DGKI: variants seen among roughly 807,000 people sequenced by gnomAD.
The protein encoded by DGKI is diacylglycerol kinase iota.
A neutral mutation model predicts 147.5 loss-of-function variants in DGKI; 55 were observed. That is an observed-to-expected ratio of 0.37 (90% confidence interval 0.30 to 0.47). The LOEUF is 0.47. Ranked by LOEUF, DGKI falls within the 20% of genes least tolerant of loss-of-function variation. The probability of loss-of-function intolerance (pLI) is 1.00; values close to 1 mark genes in which losing one functional copy is unlikely to be tolerated. For missense variants in DGKI, 1,007 were observed against 1,323.8 expected (o/e 0.76, Z 3.71); for synonymous variants, 469 against 477.1 (o/e 0.98, Z 0.22).
chr7:137,778,185 C>T (rs981237086), intron 1 of DGKI, among the ~76,000 whole-genome samples: 15 of 152,134 alleles, frequency 9.9e-5, no homozygotes, highest in African/African-American at 2.9e-4. Flanking sequence ...GTTGGTACTT[C>T]GAGCTGACTT....
At chr7:137,774,488 A>G (rs1461650398) in intron 1 of DGKI, 1 of 152,226 alleles carries the variant, frequency 6.6e-6, no homozygotes, top group Non-Finnish European at 1.5e-5. Flanking sequence ...TGAGGATAAT[A>G]AAGTCGCATC....
At chr7:137,753,988 G>A (rs1795597336) in intron 1 of DGKI, among the ~76,000 whole-genome samples, 1 of 152,122 alleles carries the variant, frequency 6.6e-6, no homozygotes. Context: ...CGTGGAGGGG[G>A]AGGAGAAGAA....
At position 137,712,489 on chromosome 7, in the gene DGKI, A is replaced by T. The variant is rs568888078; in HGVS notation, c.402-22487T>A. On this transcript the variant is annotated intron_variant, in intron 1 of 32. Transcript: ENST00000614521. ...AATGTGCAATAATAAAAATATTTTA[A>T]GCATTATAAAATTAGGAATAGAAAG... 3.9e-5 allele frequency among the ~76,000 whole-genome samples: 6 copies of T among 152,356 alleles called. No homozygotes were observed. In the East Asian group the frequency reaches 9.6e-4, roughly 24 times the overall value.
intron 3 of DGKI, among the ~76,000 whole-genome samples, chr7:137,663,421 T>G (rs1388968753): frequency 6.6e-6 from 1 of 152,212 alleles, no homozygotes; most frequent in Non-Finnish European, 1.5e-5. Flanking sequence ...GCTTAAAATA[T>G]GTATATTCAA....
In DGKI at chr7:137,517,313, AAGAAAGAAAG is replaced by A. The variant is rs1187082469; in HGVS notation, c.2248+4543_2248+4552del. The stretch of plus-strand genomic sequence containing the variant: ...AAAGAAAGAAAGAAAGAAAGAAAGA[AAGAAAGAAAG>A]AAAGAAAGAAAGAAAGAGAAAGAAA... On this transcript the variant is annotated intron_variant, in intron 21 of 32. Coordinates refer to ENST00000614521, the MANE Select transcript of DGKI (RefSeq NM_001321708.2). Among the ~76,000 whole-genome samples, 572 of 136,886 alleles carry A rather than the reference AAGAAAGAAAG, an allele frequency of 4.2e-3. 3 individuals are homozygous for A. The highest frequency in any genetic ancestry group is 0.018 in the Middle Eastern group (5 of 278). The allele number at this position is 136,886 out of a possible 152,430, so 89.8% of individuals were successfully genotyped here.
chr7:137,564,872 G>A (rs903192455), intron 19 of DGKI, among the ~76,000 whole-genome samples: 2 of 152,172 alleles, frequency 1.3e-5, no homozygotes, highest in Non-Finnish European at 2.9e-5. Context: ...GGCCTTCAGC[G>A]ACCCCCAACG....
In DGKI at chr7:137,428,352, C is replaced by T. The variant is rs569945989; in HGVS notation, c.2761+15725G>A. ...AAAGGCCTTTGACAAAATTCAACAA[C>T]GCTTCATGCTAAAAACTCTCAATAA... On this transcript the variant is annotated intron_variant, in intron 28 of 32. Transcript: ENST00000614521. Among the ~76,000 whole-genome samples, 317 of 152,254 alleles carry T rather than the reference C, an allele frequency of 2.1e-3. 3 individuals carry two copies. Among genetic ancestry groups the T allele is most frequent in the Middle Eastern group, 6.8e-3 (2 of 294 alleles).
In DGKI at chr7:137,395,646, GCA is replaced by G; in HGVS notation, c.3007_3008del (p.Cys1003ProfsTer18). 1 of 1,614,150 alleles carries G rather than the reference GCA, an allele frequency of 6.2e-7. No individual in the cohort carries two copies. Among genetic ancestry groups the G allele is most frequent in the Non-Finnish European group, 8.5e-7 (1 of 1,179,998 alleles). ...ATGCTCCTGCATCCACCAGAAGCTG[GCA>G]CACAGCCCGGTTCCGCTGGCAGGCA... ...KAACQRNRAV[C>X]QLLVDAGASL... On this transcript the variant is annotated frameshift_variant, in exon 32 of 33. Transcript: ENST00000614521. LOFTEE classifies it high-confidence loss of function.
intron 27 of DGKI, among the ~76,000 whole-genome samples, chr7:137,451,487 A>G (rs1394836133): frequency 1.3e-5 from 2 of 152,182 alleles, no homozygotes; most frequent in Non-Finnish European, 2.9e-5. Flanking sequence ...TTATCTTTCT[A>G]GTAGATCGAT....
At chr7:137,671,753 C>A (rs1822849529) in intron 3 of DGKI, among the ~76,000 whole-genome samples, 1 of 152,164 alleles carries the variant, frequency 6.6e-6, no homozygotes, top group South Asian at 2.1e-4. Flanking sequence ...AATTCATTCA[C>A]TTTCTCAGTA....
At chr7:137,452,314 T>C (rs761314935) in intron 27 of DGKI, among the ~76,000 whole-genome samples, 1 of 152,088 alleles carries the variant, frequency 6.6e-6, no homozygotes, top group Non-Finnish European at 1.5e-5. Flanking sequence ...ATGGATGGAG[T>C]AGAAGAGGTG....
chr7:137,574,518 A>T (rs999366464), intron 17 of DGKI, among the ~76,000 whole-genome samples: 2 of 152,214 alleles, frequency 1.3e-5, no homozygotes, highest in Admixed American at 6.5e-5. Flanking sequence ...TTAGAACAGA[A>T]TTCATTTTTT....
At chr7:137,811,382 TCTCACACACACACA>T (rs1310322056) in intron 1 of DGKI, among the ~76,000 whole-genome samples, 4 of 98,562 alleles carry the variant, frequency 4.1e-5, no homozygotes, top group African/African-American at 1.6e-4. Context: ...TCTCTCTCTC[TCTCACACACACACA>T]CACACACACA....
chr7:137,838,813 T>C (rs1357801107), intron 1 of DGKI, among the ~76,000 whole-genome samples: 4 of 152,230 alleles, frequency 2.6e-5, no homozygotes, highest in Admixed American at 2.6e-4. Context: ...TTCAAATAAC[T>C]GATGGAACAT....
At chr7:137,457,700 A>T (rs1487747443) in intron 27 of DGKI, among the ~76,000 whole-genome samples, 1 of 152,198 alleles carries the variant, frequency 6.6e-6, no homozygotes, top group African/African-American at 2.4e-5. Context: ...TTCCTTGAGC[A>T]CACATAGCAT....
At chr7:137,740,348 T>C (rs925719999) in intron 1 of DGKI, among the ~76,000 whole-genome samples, 3 of 152,128 alleles carry the variant, frequency 2.0e-5, no homozygotes, top group Admixed American at 2.0e-4. Context: ...AGTTCAGATG[T>C]TTGGTGTGAG....
chr7:137,461,993 T>C (rs755243770), intron 27 of DGKI, among the ~76,000 whole-genome samples: 6 of 152,138 alleles, frequency 3.9e-5, no homozygotes, highest in Non-Finnish European at 7.4e-5. Context: ...CTATCTTATA[T>C]ACAATTATTT....
intron 1 of DGKI, among the ~76,000 whole-genome samples, chr7:137,770,294 C>A (rs1483853573): frequency 6.8e-6 from 1 of 147,878 alleles, no homozygotes; most frequent in Admixed American, 6.7e-5. Context: ...GGGAGGGGAA[C>A]AACACACATC....
chr7:137,619,818 A>G lies in DGKI; in HGVS notation c.993+6T>C. The G allele has an allele frequency of 6.2e-7, 1 of 1,608,570 alleles. No individual in the cohort carries two copies. The highest frequency in any genetic ancestry group is 1.3e-5 in the African/African-American group (1 of 74,894). Reference sequence around the variant, plus strand: ...GGCCCAGCAGCACCAGAGTCCTGGCAGTTACCTGAGGTTTCTTCACCTTAA... The same window carrying G: ...GGCCCAGCAGCACCAGAGTCCTGGCGGTTACCTGAGGTTTCTTCACCTTAA... On this transcript the variant is annotated splice_donor_region_variant and intron_variant, in intron 8 of 32. Coordinates refer to ENST00000614521, the MANE Select transcript of DGKI (RefSeq NM_001321708.2).
Sources: allele counts gnomAD v4.1 joint callset (sites outside exome capture counted in the v4.1 genomes callset), GRCh38; gene constraint gnomAD v4.1.1; transcripts MANE v1.5; gene names NCBI Gene and HGNC (gene_info 2026-07-23, HGNC 2026-07-21).